Variants in PDE7B observed in about 807,000 individuals in gnomAD.
PDE7B encodes the protein phosphodiesterase 7B.
A neutral mutation model predicts 56.2 loss-of-function variants in PDE7B; 29 were observed. The ratio of observed to expected loss-of-function variants is 0.52; its 90% CI spans 0.38 to 0.70. The LOEUF (loss-of-function observed/expected upper bound fraction) is 0.70, where lower values mean the gene tolerates loss of function less well. PDE7B is among the 30% of genes least tolerant of loss of function. The probability of loss-of-function intolerance (pLI) is 0.00; values close to 1 mark genes in which losing one functional copy is unlikely to be tolerated. For missense variants in PDE7B, 490 were observed against 565.0 expected (o/e 0.87, Z 1.35); for synonymous variants, 197 against 196.9 (o/e 1.00, Z 0.00).
At chr6:136,042,185 T>C (rs771411307) in intron 2 of PDE7B, among the ~76,000 whole-genome samples, 29 of 152,214 alleles carry the variant, frequency 1.9e-4, no homozygotes, top group Non-Finnish European at 3.8e-4. Context: ...CCAACTGTTA[T>C]CAATAGAAAG....
chr6:135,975,137 GT>G (rs943713568), intron 2 of PDE7B, among the ~76,000 whole-genome samples: 25 of 148,096 alleles, frequency 1.7e-4, no homozygotes, highest in African/African-American at 5.7e-4. Context: ...AACTCCAGTC[GT>G]TTTTTTTTTG....
chr6:135,916,352 C>G (rs1016090062), intron 1 of PDE7B, among the ~76,000 whole-genome samples: 5 of 148,462 alleles, frequency 3.4e-5, no homozygotes, highest in Non-Finnish European at 7.5e-5. Flanking sequence ...TGTATCTACT[C>G]AAGTCTTTTG....
At chr6:136,071,563 A>G (rs1374220699) in intron 2 of PDE7B, among the ~76,000 whole-genome samples, 1 of 152,244 alleles carries the variant, frequency 6.6e-6, no homozygotes, top group Non-Finnish European at 1.5e-5. Flanking sequence ...TCATTTCACC[A>G]TTACAGAAAC....
intron 3 of PDE7B, among the ~76,000 whole-genome samples, chr6:136,115,249 G>A (rs187033527): frequency 1.4e-3 from 218 of 152,052 alleles, no homozygotes; most frequent in African/African-American, 5.1e-3. Flanking sequence ...ATGCATCTAC[G>A]GGATTCAGAG....
intron 2 of PDE7B, among the ~76,000 whole-genome samples, chr6:135,948,199 G>A (rs1025833338): frequency 6.6e-5 from 10 of 151,896 alleles, no homozygotes; most frequent in African/African-American, 2.4e-4. Flanking sequence ...TGATATGAAA[G>A]TTTCTAAACA....
In PDE7B at chr6:136,036,799, A is replaced by G. The variant is rs369864200; in HGVS notation, c.83-71932A>G. Among the ~76,000 whole-genome samples, 7 of 152,334 alleles carry G rather than the reference A, an allele frequency of 4.6e-5. No individual in the cohort carries two copies. In the East Asian group the frequency reaches 9.6e-4, roughly 21 times the overall value. ...AGCACTTTGCAATGTGGAGACGTGA[A>G]GAGAGGAAGATGGGATTGTTACAAT... On this transcript the variant is annotated intron_variant, in intron 2 of 12. Transcript: ENST00000308191.
intron 3 of PDE7B, among the ~76,000 whole-genome samples, chr6:136,112,822 TG>T (rs1215368530): frequency 6.6e-6 from 1 of 152,164 alleles, no homozygotes; most frequent in African/African-American, 2.4e-5. Flanking sequence ...AGCACATGTT[TG>T]GGGCAGAGGG....
intron 2 of PDE7B, among the ~76,000 whole-genome samples, chr6:135,961,283 G>GTGTGTGTGTGTA (rs1652400121): frequency 2.9e-5 from 3 of 104,310 alleles, no homozygotes; most frequent in African/African-American, 1.1e-4. Flanking sequence ...GTGTGTGTAT[G>GTGTGTGTGTGTA]TGTGTGTGTG....
chr6:136,056,175 C>T (rs1398269022), intron 2 of PDE7B, among the ~76,000 whole-genome samples: 1 of 152,144 alleles, frequency 6.6e-6, no homozygotes, highest in African/African-American at 2.4e-5. Flanking sequence ...TGCTCCTATT[C>T]CTGACAGCTC....
At chr6:135,887,492 C>T (rs558727303) in intron 1 of PDE7B, among the ~76,000 whole-genome samples, 4 of 152,034 alleles carry the variant, frequency 2.6e-5, no homozygotes, top group South Asian at 4.1e-4. Context: ...GAAAAGTGAA[C>T]GTATCAGTTA....
At position 135,851,786 on chromosome 6, in the gene PDE7B, C is replaced by T. The variant is rs1045362421; in HGVS notation, c.-213C>T. 1.8e-6 allele frequency: 1 copy of T among 547,046 alleles called. No individual in the cohort carries two copies. Among genetic ancestry groups the T allele is most frequent in the Non-Finnish European group, 3.2e-6 (1 of 309,514 alleles). The allele number at this position is 547,046 out of a possible 1,614,324, so 33.9% of individuals were successfully genotyped here. On this transcript the variant is annotated 5_prime_UTR_variant, in exon 1 of 13. Coordinates refer to ENST00000308191, the MANE Select transcript of PDE7B (RefSeq NM_018945.4). ...GGTGTTACTCACCCAGGGAGAGTCT[C>T]TCTTTCTACCTTCCTTCTTTCTCGA...
chr6:136,054,663 G>A (rs1003130186), intron 2 of PDE7B, among the ~76,000 whole-genome samples: 3 of 152,092 alleles, frequency 2.0e-5, no homozygotes, highest in African/African-American at 4.8e-5. Context: ...CCATTTTCAC[G>A]ATATTGATTC....
intron 2 of PDE7B, among the ~76,000 whole-genome samples, chr6:136,045,713 A>G (rs1479738301): frequency 6.6e-6 from 1 of 152,132 alleles, no homozygotes; most frequent in Non-Finnish European, 1.5e-5. Context: ...AAGAAGGACA[A>G]ATTTCAAGAG....
intron 2 of PDE7B, among the ~76,000 whole-genome samples, chr6:136,041,339 AAT>A (rs2128209953): frequency 6.6e-6 from 1 of 152,088 alleles, no homozygotes; most frequent in Admixed American, 6.6e-5. Flanking sequence ...GAATAAAAAA[AAT>A]ATGGGAACAT....
At chr6:135,953,794 T>C (rs1774742328) in intron 2 of PDE7B, among the ~76,000 whole-genome samples, 2 of 152,166 alleles carry the variant, frequency 1.3e-5, no homozygotes, top group South Asian at 4.1e-4. Flanking sequence ...ATTGTAAAGA[T>C]TATTTTGCGT....
At chr6:136,011,171 C>G (rs1182629804) in intron 2 of PDE7B, among the ~76,000 whole-genome samples, 2 of 152,048 alleles carry the variant, frequency 1.3e-5, no homozygotes, top group African/African-American at 2.4e-5. Flanking sequence ...AAAAACAAAA[C>G]AAAACAAAAC....
At chr6:136,098,840 T>C (rs765497204) in intron 2 of PDE7B, among the ~76,000 whole-genome samples, 3 of 152,100 alleles carry the variant, frequency 2.0e-5, no homozygotes, top group Non-Finnish European at 2.9e-5. Flanking sequence ...GTTTGTTACA[T>C]AGTTATACAC....
chr6:136,065,053 C>A (rs917688796), intron 2 of PDE7B, among the ~76,000 whole-genome samples: 4 of 152,166 alleles, frequency 2.6e-5, no homozygotes, highest in Non-Finnish European at 2.9e-5. Flanking sequence ...ATTGCCAGAG[C>A]ACAATTTCAT....
chr6:136,165,896 T>C (rs140503103), intron 8 of PDE7B, among the ~76,000 whole-genome samples: 4 of 152,198 alleles, frequency 2.6e-5, no homozygotes, highest in African/African-American at 9.6e-5. Context: ...GTTCTGTGAG[T>C]AAGGAAGAAA....
Sources: gnomAD v4.1 joint callset for allele counts (sites outside exome capture counted in the v4.1 genomes callset) on GRCh38, gnomAD v4.1.1 for gene constraint, MANE v1.5 for transcripts, NCBI Gene and HGNC (gene_info 2026-07-23, HGNC 2026-07-21) for gene names.